Variants in NXN observed in about 807,000 individuals in gnomAD.
NXN encodes nucleoredoxin 1.
NXN carries 16 observed loss-of-function variants against 48.6 expected under a neutral mutation model. The ratio of observed to expected loss-of-function variants is 0.33; its 90% confidence interval spans 0.22 to 0.50. The LOEUF (loss-of-function observed/expected upper bound fraction) is 0.50, where lower values mean the gene tolerates loss of function less well. NXN is among the 20% of genes least tolerant of loss of function. The probability of loss-of-function intolerance (pLI) is 0.98; values close to 1 mark genes in which losing one functional copy is unlikely to be tolerated. For synonymous variants in NXN, 281 were observed against 269.6 expected, an observed-to-expected ratio of 1.04 and a Z score of -0.41; for missense variants, 492 against 605.5, an observed-to-expected ratio of 0.81 and a Z score of 1.97.
In NXN at chr17:877,728, A is replaced by G. The variant is rs1291727133; in HGVS notation, c.361-51650T>C. ...TTACAAAATACTCGTTATTTTTACC[A>G]TCTAACCTTGTGAGTTAGAGCGACT... is the stretch of plus-strand genomic sequence containing the variant. On this transcript the variant is annotated intron_variant, in intron 1 of 7. Transcript: ENST00000336868. 2.6e-5 allele frequency among the ~76,000 whole-genome samples: 4 copies of G among 152,194 alleles called. No individual in the cohort carries two copies. In the East Asian group the frequency reaches 7.7e-4, roughly 29 times the overall value.
At chr17:833,350 C>T (rs542251322) in intron 1 of NXN, among the ~76,000 whole-genome samples, 11 of 152,140 alleles carry the variant, frequency 7.2e-5, no homozygotes, top group African/African-American at 1.4e-4. Context: ...GTCACCATTC[C>T]GAAAAACACA....
chr17:803,302 C>T (rs547102497), intron 7 of NXN, among the ~76,000 whole-genome samples: 17 of 152,306 alleles, frequency 1.1e-4, no homozygotes, highest in African/African-American at 2.9e-4. Context: ...CTGATGAGAT[C>T]GGCCCACTGC....
chr17:887,237 A>C (rs956988440), intron 1 of NXN, among the ~76,000 whole-genome samples: 1 of 151,968 alleles, frequency 6.6e-6, no homozygotes, highest in Non-Finnish European at 1.5e-5. Context: ...ATCTGGTGGG[A>C]GCTCCATAAA....
At position 919,620 on chromosome 17, in the gene NXN, G is replaced by A. The variant is rs577532402; in HGVS notation, c.360+59699C>T. 2.6e-5 allele frequency among the ~76,000 whole-genome samples: 4 copies of A among 152,116 alleles called. No individual in the cohort carries two copies. The highest frequency in any genetic ancestry group is 2.1e-4 in the South Asian group (1 of 4,802). On this transcript the variant is annotated intron_variant, in intron 1 of 7. Transcript: ENST00000336868. This position sits in a 1 kb window ranked among gnomAD's most constrained non-coding sequence, Gnocchi z 5.1. ...CGTCGTCCTCGGAATCCCCGCATTC[G>A]TCCCACGCGGCCCTCAGACACGGGC...
At chr17:897,752 T>G (rs1294752558) in intron 1 of NXN, among the ~76,000 whole-genome samples, 4 of 152,188 alleles carry the variant, frequency 2.6e-5, no homozygotes, top group Non-Finnish European at 5.9e-5. Flanking sequence ...CTCGGCTCAC[T>G]GCAACCTCGG....
chr17:979,364 C>A lies in NXN; in HGVS notation c.315G>T (p.Arg105=). ...AGGGCAGCGCCAGCCACGGCATGTC[C>A]CGCACGAAGTCCTGCCACTGCCGCT... ...QDQRQWQDFV[R]DMPWLALPYK... is the part of the protein sequence containing the mutation. Residue 105 remains arginine (R), a synonymous_variant, in exon 1 of 8, where the codon CGG becomes CGT. Coordinates refer to ENST00000336868, the MANE Select transcript of NXN (RefSeq NM_022463.5). 1 of 1,541,612 alleles carries A rather than the reference C, an allele frequency of 6.5e-7. No individual in the cohort carries two copies. Among genetic ancestry groups the A allele is most frequent in the Non-Finnish European group, 8.7e-7 (1 of 1,147,684 alleles).
intron 1 of NXN, among the ~76,000 whole-genome samples, chr17:974,326 G>T (rs1432894795): frequency 6.6e-6 from 1 of 151,854 alleles, no homozygotes; most frequent in Admixed American, 6.6e-5. Flanking sequence ...ACTCCAGCCT[G>T]GGTGACAGAG....
intron 1 of NXN, among the ~76,000 whole-genome samples, chr17:900,456 C>G (rs2663353): frequency 0.8 from 121,684 of 151,670 alleles, 49,050 homozygotes; most frequent in Middle Eastern, 0.9. Context: ...CAGATTCCCA[C>G]CTCTTGCAGG....
At chr17:923,045 C>T (rs929032342) in intron 1 of NXN, among the ~76,000 whole-genome samples, 4 of 152,094 alleles carry the variant, frequency 2.6e-5, no homozygotes, top group Non-Finnish European at 5.9e-5. Flanking sequence ...CACTTCAACT[C>T]GACTTACTCA....
intron 1 of NXN, among the ~76,000 whole-genome samples, chr17:899,991 C>T (rs945795749): frequency 2.6e-5 from 4 of 152,142 alleles, no homozygotes; most frequent in South Asian, 2.1e-4. Context: ...GAGGGCCGGG[C>T]GTGGTGGCTC....
At chr17:896,340 C>A (rs370840184) in intron 1 of NXN, among the ~76,000 whole-genome samples, 21 of 134,874 alleles carry the variant, frequency 1.6e-4, no homozygotes, top group African/African-American at 1.4e-4. Flanking sequence ...AACTCCATCT[C>A]AAAAAAAAAA....
At chr17:979,266 G>A in intron 1 of NXN, 53 bp downstream of exon 1, 2 of 1,342,562 alleles carry the variant, frequency 1.5e-6, no homozygotes, top group Non-Finnish European at 1.9e-6. Flanking sequence ...GGGGCGGGCA[G>A]GGGTAACGGG....
At chr17:938,180 A>C (rs2150603116) in intron 1 of NXN, among the ~76,000 whole-genome samples, 1 of 152,398 alleles carries the variant, frequency 6.6e-6, no homozygotes, top group East Asian at 1.9e-4. Context: ...TCAGGGTCAG[A>C]GGACAAAAGA....
rs570761462 is a variant in NXN, at chr17:917,768, G to T, written c.360+61551C>A. ...GCGTACTGGCACAACAGGCGGGCGT[G>T]GCTCTCGCTCCCCAGGAAGGCCTCG... On this transcript the variant is annotated intron_variant, in intron 1 of 7. Coordinates refer to ENST00000336868, the MANE Select transcript of NXN (RefSeq NM_022463.5). The surrounding 1 kb of genome is among the most constrained non-coding windows in gnomAD (Gnocchi z 4.5). Among the ~76,000 whole-genome samples the T allele has an allele frequency of 6.6e-6, 1 of 152,282 alleles. No homozygotes were observed. Among genetic ancestry groups the T allele is most frequent in the African/African-American group, 2.4e-5 (1 of 41,568 alleles).
rs549369041 is a variant in NXN at position 961,063 on chromosome 17, C to G, written c.360+18256G>C. On this transcript the variant is annotated intron_variant, in intron 1 of 7. Transcript: ENST00000336868. ...CCTCCCAAAGTGCTGGGATTACAGC[C>G]GTGAGCCACCGTGCCTGGCCAATTA... is the stretch of plus-strand genomic sequence containing the variant. Among the ~76,000 whole-genome samples the G allele has an allele frequency of 1.2e-4, 18 of 149,724 alleles. 1 individual carries two copies. Among genetic ancestry groups the G allele is most frequent in the Admixed American group, 1.1e-3 (17 of 15,112 alleles).
At position 821,005 on chromosome 17, in the gene NXN, A is replaced by AGAGACGGGAGCTGTGGCATGGCT. The variant is rs1912797484; in HGVS notation, c.713+1351_713+1352insAGCCATGCCACAGCTCCCGTCTC. ...GCTGAGACGGGAGCTGTGGCATGGC[A>AGAGACGGGAGCTGTGGCATGGCT]GAGACGGGAGCTGTGGCATGGCAGA... is the stretch of plus-strand genomic sequence containing the variant. On this transcript the variant is annotated intron_variant, in intron 4 of 7. Coordinates refer to ENST00000336868, the MANE Select transcript of NXN (RefSeq NM_022463.5). Among the ~76,000 whole-genome samples the AGAGACGGGAGCTGTGGCATGGCT allele has an allele frequency of 8.2e-5, 6 of 72,926 alleles. 2 individuals are homozygous for AGAGACGGGAGCTGTGGCATGGCT. Among genetic ancestry groups the AGAGACGGGAGCTGTGGCATGGCT allele is most frequent in the Non-Finnish European group, 1.5e-4 (6 of 39,966 alleles). 47.8% of individuals were successfully genotyped at this position (72,926 alleles called of 152,430 possible).
At chr17:815,442 C>T (rs1912414192) in intron 5 of NXN, among the ~76,000 whole-genome samples, 1 of 150,920 alleles carries the variant, frequency 6.6e-6, no homozygotes, top group South Asian at 2.1e-4. Flanking sequence ...GATCCCTAAG[C>T]TCTGTAGGTT....
At position 954,580 on chromosome 17, in the gene NXN, C is replaced by G. The variant is rs555289785; in HGVS notation, c.360+24739G>C. ...GACCTCCCTGCTCAGGTTCCAGTGA[C>G]TTCCTCAGAGCAACAGGGCTGATTC... On this transcript the variant is annotated intron_variant, in intron 1 of 7. Transcript: ENST00000336868. Among the ~76,000 whole-genome samples the G allele has an allele frequency of 5.3e-5, 8 of 152,352 alleles. No homozygotes were observed. The East Asian group carries it at 1.5e-3, about 29-fold the overall frequency.
chr17:840,484 C>T lies in NXN; in HGVS notation c.361-14406G>A, dbSNP rs542011659. On this transcript the variant is annotated intron_variant, in intron 1 of 7. Transcript: ENST00000336868. ...CCTCCCAGGTAGCTGGGACTACAGG[C>T]GCCTGCCACCACGCACAGCTAATTT... Among the ~76,000 whole-genome samples, 20 of 152,244 alleles carry T rather than the reference C, an allele frequency of 1.3e-4. No individual in the cohort carries two copies. The South Asian group carries it at 2.5e-3, about 19-fold the overall frequency.
Sources: allele counts gnomAD v4.1 joint callset (sites outside exome capture counted in the v4.1 genomes callset), GRCh38; gene constraint gnomAD v4.1.1; non-coding constraint Gnocchi (gnomAD v3.1); transcripts MANE v1.5; gene names NCBI Gene and HGNC (gene_info 2026-07-23, HGNC 2026-07-21).